LONP1: variants seen among roughly 807,000 people sequenced by gnomAD.
The protein encoded by LONP1 is lon peptidase 1, mitochondrial.
A neutral mutation model predicts 98.5 loss-of-function variants in LONP1; 31 were observed. That is an observed-to-expected ratio of 0.31 (90% CI 0.24 to 0.42). The LOEUF (loss-of-function observed/expected upper bound fraction) is 0.42. Ranked by LOEUF, LONP1 falls within the 20% of genes least tolerant of loss-of-function variation. LONP1 has a pLI of 1.00. For synonymous variants in LONP1, 781 were observed against 594.7 expected, an observed-to-expected ratio of 1.31 and a Z score of -4.56; for missense variants, 1,336 against 1,350.6, an observed-to-expected ratio of 0.99 and a Z score of 0.17.
At chr19:5,703,036 C>T (rs979897899) in intron 8 of LONP1, among the ~76,000 whole-genome samples, 3 of 151,382 alleles carry the variant, frequency 2.0e-5, no homozygotes, top group Non-Finnish European at 4.4e-5. Flanking sequence ...AAAAAATTAG[C>T]TGGGCGTGGC....
At chr19:5,700,734 T>G (rs2055025170) in intron 9 of LONP1, 55 bp downstream of exon 9, 4 of 1,605,000 alleles carry the variant, frequency 2.5e-6, no homozygotes, top group Non-Finnish European at 3.4e-6. Context: ...CACACAAGAG[T>G]CCTGGGCCCG....
chr19:5,702,497 C>T (rs79570523), intron 8 of LONP1, among the ~76,000 whole-genome samples: 4 of 151,500 alleles, frequency 2.6e-5, no homozygotes, highest in Non-Finnish European at 4.4e-5. Flanking sequence ...GTCAGCCCCC[C>T]GCCCGGCCAG....
chr19:5,720,189 G>A, upstream of LONP1: 1 of 1,383,624 alleles, frequency 7.2e-7, no homozygotes, highest in Non-Finnish European at 9.3e-7. Context: ...GCCGCGAAAC[G>A]CACGTGACGC....
chr19:5,704,821 G>A (rs1434509189), intron 8 of LONP1, among the ~76,000 whole-genome samples: 2 of 152,178 alleles, frequency 1.3e-5, no homozygotes, highest in Non-Finnish European at 1.5e-5. Flanking sequence ...AGAAGCCAGG[G>A]GTAGCCTTGC....
Position 5,694,742 on chromosome 19 carries a change from G to A in LONP1, c.2154+19C>T, listed in dbSNP as rs2054895276. 6.3e-7 allele frequency: 1 copy of A among 1,584,140 alleles called. No homozygotes were observed. Among genetic ancestry groups the A allele is most frequent in the South Asian group, 1.1e-5 (1 of 90,100 alleles). On this transcript the variant is annotated intron_variant, in intron 14 of 17. Transcript: ENST00000360614. ...GTGAGGTGGGCGGCAGGTGCCAGGAGGGCGGGCTGGCCGCTCACCTTCTCC... is the reference window on the plus strand; with the variant it reads ...GTGAGGTGGGCGGCAGGTGCCAGGAAGGCGGGCTGGCCGCTCACCTTCTCC...
chr19:5,718,625 G>A (rs761060935), intron 1 of LONP1, among the ~76,000 whole-genome samples: 1 of 152,040 alleles, frequency 6.6e-6, no homozygotes, highest in Non-Finnish European at 1.5e-5. Flanking sequence ...GAGCGCAGAG[G>A]CTGACTCACT....
Position 5,692,182 on chromosome 19 carries a change from G to T in LONP1, c.2730C>A (p.Ile910=), listed in dbSNP as rs751344022. The stretch of plus-strand genomic sequence containing the variant: ...CCTTCTTGTTCTCGGCTGGCAGGAC[G>T]ATGCACGTCACCCCTGCGCGCTTGG... ...IAAKRAGVTC[I]VLPAENKKDF... is the part of the protein sequence containing the mutation. The change falls in exon 18 of 18, where the codon ATC becomes ATA. Residue 910 remains isoleucine, a synonymous_variant. Transcript: ENST00000360614. The T allele has an allele frequency of 1.9e-6, 3 of 1,613,808 alleles. No individual in the cohort carries two copies. In the African/African-American group the frequency reaches 4.0e-5, roughly 22 times the overall value.
Position 5,691,987 on chromosome 19 carries a change from C to CCAGACAGGGCCTGACATCCAGTTCTGGCA in LONP1, c.*44_*45insTGCCAGAACTGGATGTCAGGCCCTGTCTG. Reference sequence around the variant, plus strand: ...GCTCCCCACAGCGCTCAGTTCTGGCCCAGACAGGGCCTGACATCCGCCGCC... The same window carrying CCAGACAGGGCCTGACATCCAGTTCTGGCA: ...GCTCCCCACAGCGCTCAGTTCTGGCCCAGACAGGGCCTGACATCCAGTTCTGGCACAGACAGGGCCTGACATCCGCCGCC... On this transcript the variant is annotated 3_prime_UTR_variant, in exon 18 of 18. Transcript: ENST00000360614. 1.3e-6 allele frequency: 2 copies of CCAGACAGGGCCTGACATCCAGTTCTGGCA among 1,586,006 alleles called. No individual in the cohort carries two copies. The highest frequency in any genetic ancestry group is 8.6e-7 in the Non-Finnish European group (1 of 1,165,298).
At chr19:5,694,170 A>G (rs759428919) in intron 15 of LONP1, among the ~76,000 whole-genome samples, 4 of 152,044 alleles carry the variant, frequency 2.6e-5, no homozygotes, top group Non-Finnish European at 5.9e-5. Flanking sequence ...TCAAAGTGGC[A>G]CCCAAATCCA....
Position 5,693,437 on chromosome 19 carries a change from C to T in LONP1, c.2564G>A (p.Ser855Asn). The T allele has an allele frequency of 6.2e-7, 1 of 1,611,828 alleles. No individual in the cohort carries two copies. The highest frequency in any genetic ancestry group is 8.5e-7 in the Non-Finnish European group (1 of 1,178,742). Residue 855 changes from serine to asparagine, a missense_variant, in exon 17 of 18, where the codon AGC (serine) becomes AAC (asparagine). Ser to Asn is a conservative substitution (Grantham distance 46, BLOSUM62 1). Around this residue, in one of 5 missense-constraint regions of LONP1, gnomAD observed 555 missense variants for 542.6 expected, o/e 1.02. Coordinates refer to ENST00000360614, the MANE Select transcript of LONP1 (RefSeq NM_004793.4). ...GGCCGTGACGATGGTGCAGCCTGCG[C>T]TTGGGCCGTCCTTGGGGGTGGCGCC... ...PEGATPKDGPSAGCTIVTALL... is the reference protein window; with the variant it reads ...PEGATPKDGPNAGCTIVTALL...
At chr19:5,712,117 G>C (rs976100992) in intron 3 of LONP1, 115 bp from the exon 4 acceptor site, 2 of 812,240 alleles carry the variant, frequency 2.5e-6, no homozygotes, top group Non-Finnish European at 3.8e-6. Flanking sequence ...CAGACCTCTG[G>C]AGCCACAGGG....
At chr19:5,710,882 C>T (rs1162595375) in intron 4 of LONP1, among the ~76,000 whole-genome samples, 3 of 151,972 alleles carry the variant, frequency 2.0e-5, no homozygotes, top group Non-Finnish European at 4.4e-5. Context: ...AAAAATTAGC[C>T]GTGTGTGGTG....
intron 4 of LONP1, among the ~76,000 whole-genome samples, chr19:5,711,553 C>G (rs955816811): frequency 3.9e-5 from 6 of 152,190 alleles, no homozygotes; most frequent in Non-Finnish European, 5.9e-5. Context: ...GCTACAGGCT[C>G]CAGCGAATTT....
At chr19:5,695,820 CGGT>C (rs1423309783) in intron 13 of LONP1, among the ~76,000 whole-genome samples, 1 of 152,194 alleles carries the variant, frequency 6.6e-6, no homozygotes, top group Non-Finnish European at 1.5e-5. Context: ...TGTGGCCTGA[CGGT>C]GGTGGGCGGT....
At chr19:5,702,251 TTG>T (rs1491135708) in intron 8 of LONP1, among the ~76,000 whole-genome samples, 19 of 53,418 alleles carry the variant, frequency 3.6e-4, no homozygotes, top group East Asian at 2.6e-3. Flanking sequence ...GGGAGGGAGG[TTG>T]GGGGGGGGGT....
In LONP1 at chr19:5,720,037, G is replaced by A. The variant is rs1296117159; in HGVS notation, c.96C>T (p.Pro32=). The change falls in exon 1 of 18, where the codon CCC becomes CCT. Residue 32 remains proline (P), a synonymous_variant. Transcript: ENST00000360614. ...PMLAAAGGRV[P]TAAGAWLLRG... is the part of the protein sequence containing the mutation. ...GGAGCAACCACGCTCCTGCTGCAGT[G>A]GGAACCCGCCCCCCGGCGGCGGCCA... The A allele has an allele frequency of 4.5e-6, 7 of 1,552,896 alleles. No individual in the cohort carries two copies. Among genetic ancestry groups the A allele is most frequent in the Middle Eastern group, 4.0e-4 (2 of 4,992 alleles).
Position 5,696,252 on chromosome 19 carries a change from G to T in LONP1, c.1893C>A (p.Ser631=). The change falls in exon 12 of 18, where the codon TCC becomes TCA. Residue 631 remains serine, a synonymous_variant. Coordinates refer to ENST00000360614, the MANE Select transcript of LONP1 (RefSeq NM_004793.4). The part of the protein sequence containing the change: ...DHYLDVPVDL[S]KVLFICTANV... ...AGGCCCCAGACAGGCCCCCCACCTT[G>T]GACAAGTCCACGGGCACGTCCAGGT... 1 of 1,613,254 alleles carries T rather than the reference G, an allele frequency of 6.2e-7. No homozygotes were observed. Among genetic ancestry groups the T allele is most frequent in the Non-Finnish European group, 8.5e-7 (1 of 1,179,868 alleles).
intron 7 of LONP1, among the ~76,000 whole-genome samples, chr19:5,706,714 A>ATCTT (rs2055151598): frequency 2.0e-5 from 3 of 152,182 alleles, no homozygotes; most frequent in Non-Finnish European, 4.4e-5. Flanking sequence ...GGGTCTTAAG[A>ATCTT]AACAGCATCT....
At chr19:5,698,337 A>G (rs2054979410) in intron 10 of LONP1, among the ~76,000 whole-genome samples, 1 of 152,196 alleles carries the variant, frequency 6.6e-6, no homozygotes. Flanking sequence ...GGATGGAAAC[A>G]CGTGGTGGAC....
Sources: gnomAD v4.1 joint callset for allele counts (sites outside exome capture counted in the v4.1 genomes callset) on GRCh38, gnomAD v4.1.1 for gene constraint, gnomAD v4.1.1 regional missense constraint, MANE v1.5 for transcripts, NCBI Gene and HGNC (gene_info 2026-07-23, HGNC 2026-07-21) for gene names.